Variants in OPCML observed in about 807,000 individuals in gnomAD.
OPCML encodes opioid-binding protein/cell adhesion molecule.
Under a neutral mutation model 37.8 loss-of-function variants are expected in OPCML, and 13 were observed. The observed-to-expected ratio is 0.34, with a 90% CI of 0.22 to 0.55. The LOEUF is 0.55. Among genes scored for constraint, OPCML ranks in the 20% least tolerant of loss-of-function variants. The pLI, the probability that OPCML is intolerant of heterozygous loss-of-function variation, is 0.91. For synonymous variants in OPCML, 176 were observed against 168.8 expected, an observed-to-expected ratio of 1.04 and a Z score of -0.33; for missense variants, 341 against 435.6, an observed-to-expected ratio of 0.78 and a Z score of 1.93.
chr11:132,702,842 A>T (rs1452323700), intron 2 of OPCML, among the ~76,000 whole-genome samples: 4 of 151,744 alleles, frequency 2.6e-5, no homozygotes, highest in Non-Finnish European at 5.9e-5. Context: ...TCAATGCTTT[A>T]TATGAAATTC....
At chr11:132,923,631 A>C (rs537578619) in intron 2 of OPCML, among the ~76,000 whole-genome samples, 1 of 152,238 alleles carries the variant, frequency 6.6e-6, no homozygotes, top group South Asian at 2.1e-4. Context: ...AAATATATAC[A>C]TGTCTGATTG....
At chr11:132,811,789 C>A (rs1280558123) in intron 2 of OPCML, among the ~76,000 whole-genome samples, 1 of 152,106 alleles carries the variant, frequency 6.6e-6, no homozygotes, top group East Asian at 1.9e-4. Context: ...GCAGAAACAG[C>A]AACACAATCA....
intron 2 of OPCML, among the ~76,000 whole-genome samples, chr11:132,667,529 A>G (rs933077162): frequency 6.6e-6 from 1 of 152,224 alleles, no homozygotes; most frequent in African/African-American, 2.4e-5. Context: ...TGCAGGAGAA[A>G]GGGGATAACT....
At chr11:132,927,581 G>A (rs1390404092) in intron 2 of OPCML, among the ~76,000 whole-genome samples, 2 of 152,060 alleles carry the variant, frequency 1.3e-5, no homozygotes, top group Non-Finnish European at 2.9e-5. Context: ...ATGAAAGAGA[G>A]TCCTTCAAGT....
intron 3 of OPCML, among the ~76,000 whole-genome samples, chr11:132,566,479 C>G (rs893961373): frequency 6.6e-6 from 1 of 152,210 alleles, no homozygotes; most frequent in Non-Finnish European, 1.5e-5. Flanking sequence ...ATGCTACTTA[C>G]TAATAGACTA....
intron 2 of OPCML, among the ~76,000 whole-genome samples, chr11:132,837,929 C>T (rs1412249685): frequency 6.6e-6 from 1 of 152,226 alleles, no homozygotes; most frequent in Non-Finnish European, 1.5e-5. Flanking sequence ...GCTGGAGGGC[C>T]TCACGTTCAA....
At chr11:133,026,323 T>C (rs904795510) in intron 1 of OPCML, 1 of 942,432 alleles carries the variant, frequency 1.1e-6, no homozygotes, top group African/African-American at 1.8e-5. Context: ...CTGTCAACAT[T>C]TGATAGTTTT....
Position 132,723,720 on chromosome 11 carries a change from A to T in OPCML, c.147-66401T>A, listed in dbSNP as rs138232816. On this transcript the variant is annotated intron_variant, in intron 2 of 7. Coordinates refer to ENST00000524381, the MANE Select transcript of OPCML (RefSeq NM_001012393.5). Reference sequence around the variant, plus strand: ...CATTCCAGGCCTATGCCCTCCAGGCACTGTTGTTAACTGCAGGCATGTGAA... The same window carrying T: ...CATTCCAGGCCTATGCCCTCCAGGCTCTGTTGTTAACTGCAGGCATGTGAA... Among the ~76,000 whole-genome samples, 13 of 152,292 alleles carry T rather than the reference A, an allele frequency of 8.5e-5. No individual in the cohort carries two copies. In the East Asian group the frequency reaches 2.5e-3, roughly 29 times the overall value.
chr11:132,558,450 C>T (rs1246518045), intron 3 of OPCML, among the ~76,000 whole-genome samples: 1 of 62,582 alleles, frequency 1.6e-5, no homozygotes, highest in Non-Finnish European at 3.0e-5. Context: ...CTCCTCTTCC[C>T]CTACTCGTCC....
intron 4 of OPCML, among the ~76,000 whole-genome samples, chr11:132,499,748 AG>A (rs1194868894): frequency 6.6e-6 from 1 of 152,210 alleles, no homozygotes; most frequent in Admixed American, 6.5e-5. Flanking sequence ...TGAGGATGCA[AG>A]GAATAATTAC....
chr11:132,486,186 A>G (rs1413374414), intron 4 of OPCML, among the ~76,000 whole-genome samples: 2 of 152,168 alleles, frequency 1.3e-5, no homozygotes, highest in Non-Finnish European at 2.9e-5. Context: ...TGTCTCATAC[A>G]ATTGTGTGGG....
At chr11:133,107,166 GC>G (rs569746883) in intron 1 of OPCML, among the ~76,000 whole-genome samples, 127 of 152,162 alleles carry the variant, frequency 8.3e-4, no homozygotes, top group Non-Finnish European at 1.6e-3. Flanking sequence ...AGAACAGTGG[GC>G]CCTTCTGTAG....
chr11:133,198,078 T>A (rs1938609832), intron 1 of OPCML, among the ~76,000 whole-genome samples: 1 of 152,182 alleles, frequency 6.6e-6, no homozygotes, highest in Non-Finnish European at 1.5e-5. Context: ...TGAAATGATA[T>A]TTTTCAACCT....
chr11:133,463,639 A>G (rs919958090), intron 1 of OPCML, among the ~76,000 whole-genome samples: 6 of 152,152 alleles, frequency 3.9e-5, no homozygotes, highest in Admixed American at 1.3e-4. Flanking sequence ...GACCGTGTCT[A>G]TGCTGTTCTA....
rs1944949058 is a variant in OPCML, at chr11:132,728,104, C to G, written c.147-70785G>C. ...AGGGTAAACTGGTGAAAGACGAAAA[C>G]GTGTGCCGCGCCTGTAACAAGCAGG... On this transcript the variant is annotated intron_variant, in intron 2 of 7. Transcript: ENST00000524381. 2.0e-5 allele frequency among the ~76,000 whole-genome samples: 3 copies of G among 152,238 alleles called. No individual in the cohort carries two copies. The South Asian group carries it at 6.2e-4, about 32-fold the overall frequency.
Position 132,699,527 on chromosome 11 carries a change from T to C in OPCML, c.147-42208A>G, listed in dbSNP as rs1381046078. Among the ~76,000 whole-genome samples the C allele has an allele frequency of 2.0e-5, 3 of 152,102 alleles. No individual in the cohort carries two copies. In the East Asian group the frequency reaches 5.8e-4, roughly 29 times the overall value. On this transcript the variant is annotated intron_variant, in intron 2 of 7. Coordinates refer to ENST00000524381, the MANE Select transcript of OPCML (RefSeq NM_001012393.5). ...ATAATATTGAGGCACATTCGTTCTA[T>C]AAATAACTTGCTCAGAGGGTTTATC...
chr11:132,779,809 G>A (rs1946937023), intron 2 of OPCML, among the ~76,000 whole-genome samples: 1 of 152,032 alleles, frequency 6.6e-6, no homozygotes, highest in African/African-American at 2.4e-5. Flanking sequence ...GAAATGAAAG[G>A]GATACTTTAG....
intron 1 of OPCML, among the ~76,000 whole-genome samples, chr11:133,329,644 G>A (rs946157285): frequency 6.6e-6 from 1 of 152,146 alleles, no homozygotes; most frequent in Non-Finnish European, 1.5e-5. Flanking sequence ...TATGTAGAAA[G>A]CTGAAACTGG....
intron 2 of OPCML, among the ~76,000 whole-genome samples, chr11:132,835,792 T>C (rs557042793): frequency 3.3e-5 from 5 of 152,332 alleles, no homozygotes; most frequent in African/African-American, 1.2e-4. Flanking sequence ...CTCTTTCTTC[T>C]CTTTGTCACC....
Sources: gnomAD v4.1 joint callset for allele counts (sites outside exome capture counted in the v4.1 genomes callset) on GRCh38, gnomAD v4.1.1 for gene constraint, MANE v1.5 for transcripts, NCBI Gene and HGNC (gene_info 2026-07-23, HGNC 2026-07-21) for gene names.